ELAVL2: variants seen among roughly 807,000 people sequenced by gnomAD.
ELAVL2 encodes ELAV like RNA binding protein 2.
A neutral mutation model predicts 34.6 loss-of-function variants in ELAVL2; 4 were observed. The ratio of observed to expected loss-of-function variants is 0.12; its 90% CI spans 0.06 to 0.26. The LOEUF is 0.26. Ranked by LOEUF, ELAVL2 falls within the 10% of genes least tolerant of loss-of-function variation. ELAVL2 has a pLI of 1.00. For missense variants in ELAVL2, 432 were observed against 442.8 expected, an observed-to-expected ratio of 0.98 and a Z score of 0.22; for synonymous variants, 193 against 154.8, an observed-to-expected ratio of 1.25 and a Z score of -1.83.
At chr9:23,829,242 C>T (rs2065424311), upstream of ELAVL2, among the ~76,000 whole-genome samples, 1 of 152,078 alleles carries the variant, frequency 6.6e-6, no homozygotes, top group South Asian at 2.1e-4. Context: ...GAATAGTTCT[C>T]AAAACCGAAA....
intron 5 of ELAVL2, 76 bp downstream of exon 5, chr9:23,701,303 A>G (rs1409149705): frequency 2.7e-6 from 4 of 1,490,744 alleles, no homozygotes; most frequent in Non-Finnish European, 3.7e-6. Flanking sequence ...GATCCTGTCA[A>G]TAAAAGTACT....
chr9:23,836,294 T>A, the ELAVL2 span, among the ~76,000 whole-genome samples: 1 of 152,228 alleles, frequency 6.6e-6, no homozygotes, highest in Admixed American at 6.5e-5. Flanking sequence ...CATTACAGAC[T>A]GTTTAAGCTG....
chr9:23,786,716 A>C (rs993256071), intron 1 of ELAVL2, among the ~76,000 whole-genome samples: 1 of 151,432 alleles, frequency 6.6e-6, no homozygotes, highest in Non-Finnish European at 1.5e-5. Flanking sequence ...GAAAACGAAG[A>C]CATTAATGTT....
At chr9:23,716,281 T>C (rs2042292571) in intron 3 of ELAVL2, among the ~76,000 whole-genome samples, 1 of 152,146 alleles carries the variant, frequency 6.6e-6, no homozygotes, top group African/African-American at 2.4e-5. Flanking sequence ...AACCTGCACG[T>C]TGTGCACATG....
intron 2 of ELAVL2, among the ~76,000 whole-genome samples, chr9:23,737,473 T>A (rs1388336409): frequency 6.6e-6 from 1 of 152,234 alleles, no homozygotes. Context: ...TTAAAAAGTG[T>A]CATCTAGAGT....
intron 1 of ELAVL2, among the ~76,000 whole-genome samples, chr9:23,824,212 A>G (rs1488490049): frequency 3.3e-5 from 5 of 152,182 alleles, no homozygotes; most frequent in African/African-American, 7.2e-5. Flanking sequence ...AAAATGGGAA[A>G]CGGGGAACTT....
At chr9:23,789,466 G>A (rs1480116573) in intron 1 of ELAVL2, among the ~76,000 whole-genome samples, 1 of 152,190 alleles carries the variant, frequency 6.6e-6, no homozygotes, top group African/African-American at 2.4e-5. Flanking sequence ...TGAGGAAACA[G>A]TTCAAAATAG....
At chr9:23,729,669 G>C (rs1419521173) in intron 3 of ELAVL2, among the ~76,000 whole-genome samples, 1 of 151,836 alleles carries the variant, frequency 6.6e-6, no homozygotes, top group African/African-American at 2.4e-5. Context: ...GAAGTATCTA[G>C]AATTCTTGGA....
chr9:23,768,844 G>C (rs1036236444), intron 1 of ELAVL2, among the ~76,000 whole-genome samples: 2 of 152,154 alleles, frequency 1.3e-5, no homozygotes, highest in African/African-American at 4.8e-5. Flanking sequence ...AGATCTTGAA[G>C]AAGGCATTTA....
intron 1 of ELAVL2, among the ~76,000 whole-genome samples, chr9:23,808,607 AAATG>A (rs2062561332): frequency 6.6e-6 from 1 of 152,172 alleles, no homozygotes. Flanking sequence ...ATAAAATGTT[AAATG>A]CTAGGAAAAG....
At chr9:23,800,129 AAAAG>A (rs2137593448) in intron 1 of ELAVL2, among the ~76,000 whole-genome samples, 1 of 152,284 alleles carries the variant, frequency 6.6e-6, no homozygotes, top group African/African-American at 2.4e-5. Context: ...CAAAAATGAG[AAAAG>A]AAAGTAGCTA....
chr9:23,740,846 A>T (rs1564198887), intron 2 of ELAVL2, among the ~76,000 whole-genome samples: 1 of 152,222 alleles, frequency 6.6e-6, no homozygotes, highest in Admixed American at 6.5e-5. Flanking sequence ...AAAGCCAAAC[A>T]TGTTTGCTAC....
At chr9:23,759,754 T>TTATTTATA (rs1554719966) in intron 2 of ELAVL2, among the ~76,000 whole-genome samples, 3 of 81,344 alleles carry the variant, frequency 3.7e-5, no homozygotes, top group Non-Finnish European at 5.0e-5. Context: ...ATATATAGTA[T>TTATTTATA]TATATATATA....
chr9:23,756,925 G>A (rs1166197791), intron 2 of ELAVL2, among the ~76,000 whole-genome samples: 1 of 152,048 alleles, frequency 6.6e-6, no homozygotes, highest in African/African-American at 2.4e-5. Context: ...TGCATTTCTA[G>A]CACTCATTAC....
intron 2 of ELAVL2, among the ~76,000 whole-genome samples, chr9:23,744,464 TA>T (rs2050028230): frequency 1.3e-5 from 2 of 152,198 alleles, no homozygotes; most frequent in Non-Finnish European, 2.9e-5. Context: ...AATAGTTATA[TA>T]TTATAAACTA....
At chr9:23,773,512 AC>A (rs1261475799) in intron 1 of ELAVL2, among the ~76,000 whole-genome samples, 2 of 152,156 alleles carry the variant, frequency 1.3e-5, no homozygotes, top group African/African-American at 2.4e-5. Flanking sequence ...TGGGGCAAGT[AC>A]CCCCATGTTA....
intron 3 of ELAVL2, among the ~76,000 whole-genome samples, chr9:23,716,166 C>G (rs7853184): frequency 0.67 from 82,493 of 123,392 alleles, 25,855 homozygotes; most frequent in African/African-American, 0.82. Flanking sequence ...GGCCTGTTGT[C>G]GGGTTGGGGG....
At chr9:23,800,322 T>C (rs1023846730) in intron 1 of ELAVL2, among the ~76,000 whole-genome samples, 1 of 152,214 alleles carries the variant, frequency 6.6e-6, no homozygotes, top group African/African-American at 2.4e-5. Context: ...TCTCAGCTTA[T>C]TTTAACACCA....
intron 2 of ELAVL2, among the ~76,000 whole-genome samples, chr9:23,741,409 G>A (rs755220691): frequency 6.6e-6 from 1 of 152,120 alleles, no homozygotes; most frequent in Non-Finnish European, 1.5e-5. Context: ...TCACCTTAGT[G>A]GCCTGGTATA....
Sources: gnomAD v4.1 joint callset for allele counts (sites outside exome capture counted in the v4.1 genomes callset) on GRCh38, gnomAD v4.1.1 for gene constraint, MANE v1.5 for transcripts, NCBI Gene and HGNC (gene_info 2026-07-23, HGNC 2026-07-21) for gene names.